The following TPRG1 variants were observed in gnomAD, a reference collection of about 807,000 sequenced individuals.
TPRG1 encodes tumor protein p63 regulated 1, also known as tumor protein p63-regulated gene 1 protein.
Under a neutral mutation model 29.3 loss-of-function variants are expected in TPRG1, and 29 were observed. That is an observed-to-expected ratio of 0.99 (90% CI 0.74 to 1.35). The LOEUF (loss-of-function observed/expected upper bound fraction) is 1.35, where lower values mean the gene tolerates loss of function less well. TPRG1 is among the 40% of genes most tolerant of loss of function. TPRG1 has a pLI of 0.00. For synonymous variants in TPRG1, 130 were observed against 116.8 expected, an observed-to-expected ratio of 1.11 and a Z score of -0.73; for missense variants, 327 against 335.0, an observed-to-expected ratio of 0.98 and a Z score of 0.19.
At chr3:189,303,226 A>C (rs1030716481) in intron 4 of TPRG1, among the ~76,000 whole-genome samples, 1 of 152,202 alleles carries the variant, frequency 6.6e-6, no homozygotes, top group African/African-American at 2.4e-5. Flanking sequence ...TTTTTGGATA[A>C]CTTTATTAAG....
intron 3 of TPRG1, among the ~76,000 whole-genome samples, chr3:189,009,041 C>T (rs1196965594): frequency 6.6e-6 from 1 of 152,050 alleles, no homozygotes; most frequent in East Asian, 1.9e-4. Context: ...TGCCTTTGTG[C>T]TGTGGCTTTT....
intron 1 of TPRG1, among the ~76,000 whole-genome samples, chr3:189,204,494 G>T (rs1578807502): frequency 6.6e-6 from 1 of 152,234 alleles, no homozygotes; most frequent in East Asian, 1.9e-4. Flanking sequence ...CTCTGGATTG[G>T]GATAGCTGGG....
intron 5 of TPRG1, 107 bp from the exon 6 acceptor site, chr3:189,320,519 C>G (rs1211972492): frequency 8.5e-6 from 7 of 821,246 alleles, no homozygotes; most frequent in Non-Finnish European, 1.3e-5. Context: ...AGAATAACTG[C>G]AGCCCCAGGA....
chr3:189,124,556 G>A (rs1026033245), intron 1 of TPRG1, among the ~76,000 whole-genome samples: 9 of 150,566 alleles, frequency 6.0e-5, no homozygotes, highest in East Asian at 3.9e-4. Flanking sequence ...GTGTGTGTGT[G>A]TATATATATA....
chr3:189,288,939 G>A lies in TPRG1; in HGVS notation c.480-21447G>A, dbSNP rs193049080. 5.9e-5 allele frequency among the ~76,000 whole-genome samples: 9 copies of A among 152,288 alleles called. No individual in the cohort carries two copies. The East Asian group carries it at 9.7e-4, about 16-fold the overall frequency. Reference sequence around the variant, plus strand: ...AGTTTATGGGTGCCTGTATCTGTACGTGAGCCTTTCCTCCCCAAAAGCATT... The same window carrying A: ...AGTTTATGGGTGCCTGTATCTGTACATGAGCCTTTCCTCCCCAAAAGCATT... On this transcript the variant is annotated intron_variant, in intron 4 of 5. Coordinates refer to ENST00000345063, the MANE Select transcript of TPRG1 (RefSeq NM_198485.4).
At chr3:189,318,801 C>T (rs981886746) in intron 5 of TPRG1, among the ~76,000 whole-genome samples, 1 of 152,114 alleles carries the variant, frequency 6.6e-6, no homozygotes, top group African/African-American at 2.4e-5. Flanking sequence ...TTCTAAAGAA[C>T]ATGGTTTAAA....
intron 4 of TPRG1, among the ~76,000 whole-genome samples, chr3:189,071,373 G>A (rs1159194057): frequency 1.3e-5 from 2 of 151,902 alleles, no homozygotes; most frequent in Non-Finnish European, 2.9e-5. Flanking sequence ...TAAATACATT[G>A]TTCATCCATT....
chr3:189,147,244 T>C (rs1261938596), intron 3 of TPRG1, among the ~76,000 whole-genome samples: 1 of 152,224 alleles, frequency 6.6e-6, no homozygotes, highest in Non-Finnish European at 1.5e-5. Context: ...ACTTGCTTAG[T>C]TAAAAGAAGC....
At chr3:189,181,706 C>T (rs919429937) in intron 1 of TPRG1, among the ~76,000 whole-genome samples, 6 of 152,112 alleles carry the variant, frequency 3.9e-5, no homozygotes, top group Non-Finnish European at 5.9e-5. Context: ...TGTCTTCTTT[C>T]GAGCCCTCTA....
intron 4 of TPRG1, among the ~76,000 whole-genome samples, chr3:189,078,931 C>G (rs1243833758): frequency 1.3e-5 from 2 of 152,138 alleles, no homozygotes; most frequent in Non-Finnish European, 2.9e-5. Context: ...GTCATCGTGT[C>G]TCAGTCTGTT....
At chr3:189,060,914 T>C (rs1016244189) in intron 4 of TPRG1, among the ~76,000 whole-genome samples, 1 of 152,134 alleles carries the variant, frequency 6.6e-6, no homozygotes, top group African/African-American at 2.4e-5. Context: ...AAAGTACCCA[T>C]GACATTCTTC....
At chr3:189,040,390 G>A (rs901604184) in intron 4 of TPRG1, among the ~76,000 whole-genome samples, 1 of 152,086 alleles carries the variant, frequency 6.6e-6, no homozygotes, top group Non-Finnish European at 1.5e-5. Context: ...CTCAGTTTTG[G>A]TTGCCAAAAT....
At chr3:189,033,363 C>T (rs1578216973) in intron 4 of TPRG1, among the ~76,000 whole-genome samples, 4 of 151,682 alleles carry the variant, frequency 2.6e-5, no homozygotes, top group African/African-American at 7.3e-5. Context: ...TTCACTGCAA[C>T]TTCTGCCTCT....
chr3:189,047,000 T>C (rs1715020553), intron 4 of TPRG1, among the ~76,000 whole-genome samples: 1 of 152,172 alleles, frequency 6.6e-6, no homozygotes, highest in Non-Finnish European at 1.5e-5. Flanking sequence ...AAAAGCTTTG[T>C]TTAAGGCAAT....
At chr3:189,123,034 G>A (rs555242834) in intron 1 of TPRG1, among the ~76,000 whole-genome samples, 22 of 152,324 alleles carry the variant, frequency 1.4e-4, no homozygotes, top group African/African-American at 3.8e-4. Flanking sequence ...ATAAATAATA[G>A]CTGAAATGAG....
intron 1 of TPRG1, among the ~76,000 whole-genome samples, chr3:189,178,844 G>A (rs898456615): frequency 1.3e-5 from 2 of 152,162 alleles, no homozygotes; most frequent in African/African-American, 4.8e-5. Flanking sequence ...ATAAATCTCA[G>A]GAAACTCACA....
At chr3:189,299,684 A>T (rs1270080487) in intron 4 of TPRG1, among the ~76,000 whole-genome samples, 2 of 150,326 alleles carry the variant, frequency 1.3e-5, no homozygotes, top group Non-Finnish European at 2.9e-5. Context: ...AACCGATTTG[A>T]CCATGAACTG....
intron 4 of TPRG1, among the ~76,000 whole-genome samples, chr3:189,032,823 C>T (rs1714012320): frequency 6.9e-6 from 1 of 145,286 alleles, no homozygotes; most frequent in South Asian, 2.2e-4. Context: ...GTTCAATTCC[C>T]ACCTATGAGT....
intron 1 of TPRG1, among the ~76,000 whole-genome samples, chr3:189,177,244 A>G (rs1057040677): frequency 4.6e-5 from 7 of 152,020 alleles, no homozygotes; most frequent in African/African-American, 1.7e-4. Flanking sequence ...TTTGAGATGG[A>G]GAAGATGGTG....
Sources: gnomAD v4.1 joint callset for allele counts (sites outside exome capture counted in the v4.1 genomes callset) on GRCh38, gnomAD v4.1.1 for gene constraint, MANE v1.5 for transcripts, NCBI Gene and HGNC (gene_info 2026-07-23, HGNC 2026-07-21) for gene names.